The following LARS1 variants were observed in gnomAD, a reference collection of about 807,000 sequenced individuals.
The protein encoded by LARS1 is leucine--tRNA ligase, cytoplasmic.
LARS1 carries 100 observed loss-of-function variants against 162.8 expected under a neutral mutation model. The observed-to-expected ratio is 0.61, with a 90% confidence interval of 0.52 to 0.73. The LOEUF is 0.73. LARS1 is among the 30% of genes least tolerant of loss of function. The pLI is 0.00. For synonymous variants in LARS1, 457 were observed against 462.8 expected (o/e 0.99, Z 0.16); for missense variants, 1,258 against 1,408.9 (o/e 0.89, Z 1.71).
At position 146,164,226 on chromosome 5, in the gene LARS1, T is replaced by C. The variant is rs1581072083; in HGVS notation, c.594+84A>G. 8 of 1,338,044 alleles carry C rather than the reference T, an allele frequency of 6.0e-6. No individual in the cohort carries two copies. The African/African-American group carries it at 7.4e-5, about 12-fold the overall frequency. 82.9% of individuals were successfully genotyped at this position (1,338,044 alleles called of 1,614,324 possible). ...AATCTTCAATTGTAAAAAAAATCCA[T>C]GTCTGGAAAGCACAATAAAGCAAAG... On this transcript the variant is annotated intron_variant, in intron 6 of 31. Transcript: ENST00000394434.
At chr5:146,180,855 G>C (rs1347674867) in intron 1 of LARS1, among the ~76,000 whole-genome samples, 1 of 152,102 alleles carries the variant, frequency 6.6e-6, no homozygotes, top group Admixed American at 6.6e-5. Context: ...CTTACACTTT[G>C]GGCCAAATAA....
chr5:146,157,305 T>A, intron 10 of LARS1, 98 bp downstream of exon 10: 1 of 1,045,840 alleles, frequency 9.6e-7, no homozygotes, highest in Non-Finnish European at 1.5e-6. Flanking sequence ...CATGTACACC[T>A]CATTTTTTAA....
chr5:146,128,600 C>T, intron 27 of LARS1, 72 bp downstream of exon 27: 1 of 952,234 alleles, frequency 1.1e-6, no homozygotes, highest in South Asian at 2.0e-5. Context: ...ACATTGCCAA[C>T]ATCCTAAAAA....
At chr5:146,152,497 G>C (rs1461898711) in intron 13 of LARS1, among the ~76,000 whole-genome samples, 1 of 152,148 alleles carries the variant, frequency 6.6e-6, no homozygotes, top group Non-Finnish European at 1.5e-5. Flanking sequence ...ATTGTGAACT[G>C]TGCATGGAGG....
chr5:146,151,961 A>G lies in LARS1; in HGVS notation c.1326T>C (p.Ala442=). Residue 442 remains alanine (A), a synonymous_variant, in exon 14 of 32, where the codon GCT becomes GCC. Transcript: ENST00000394434. ...IEIPGFGNLS[A]VTICDELKIQ... ...TTTTCAACTCATCACAAATGGTTAC[A>G]GCAGAAAGATTTCCAAAACCTGGGA... 6.2e-7 allele frequency: 1 copy of G among 1,614,178 alleles called. No individual in the cohort carries two copies. The highest frequency in any genetic ancestry group is 8.5e-7 in the Non-Finnish European group (1 of 1,180,036).
intron 27 of LARS1, 105 bp downstream of exon 27, chr5:146,128,567 G>A (rs1752137272): frequency 3.2e-6 from 2 of 627,952 alleles, no homozygotes; most frequent in South Asian, 3.0e-5. Context: ...ATGAAACAAA[G>A]CTGCCTATCT....
chr5:146,182,140 C>G (rs1754900719), intron 1 of LARS1: 2 of 242,668 alleles, frequency 8.2e-6, no homozygotes, highest in Non-Finnish European at 1.7e-5. Flanking sequence ...GGGGTCTCAC[C>G]ATGTTGGCCA....
rs766769947 is a variant in LARS1, at chr5:146,159,391, T to A, written c.771+16A>T. ...AAGGATTATTATAATAGCTACTCTG[T>A]CTCACAAATAATCACCTCTCCAGTT... On this transcript the variant is annotated intron_variant, in intron 8 of 31. Coordinates refer to ENST00000394434, the MANE Select transcript of LARS1 (RefSeq NM_020117.11). The A allele has an allele frequency of 6.3e-7, 1 of 1,588,724 alleles. No individual in the cohort carries two copies. Among genetic ancestry groups the A allele is most frequent in the Non-Finnish European group, 8.6e-7 (1 of 1,157,650 alleles).
In LARS1 at chr5:146,157,287, G is replaced by A. The variant is rs187961406; in HGVS notation, c.1065+116C>T. On this transcript the variant is annotated intron_variant, in intron 10 of 31. Coordinates refer to ENST00000394434, the MANE Select transcript of LARS1 (RefSeq NM_020117.11). The stretch of plus-strand genomic sequence containing the variant: ...CACCAAAACACACAAGACTTACACA[G>A]TTTACTGCATGTACACCTCATTTTT... 337 of 842,146 alleles carry A rather than the reference G, an allele frequency of 4.0e-4. 4 individuals carry two copies. In the East Asian group the frequency reaches 7.7e-3, roughly 19 times the overall value. The allele number at this position is 842,146 out of a possible 1,614,324, so 52.2% of individuals were successfully genotyped here.
chr5:146,149,706 G>A lies in LARS1; in HGVS notation c.1426-7C>T. ...ATCCATCCACCAACATGATCTAAAA[G>A]GATGAGAGGGGAGAAAAACCACATA... is the stretch of plus-strand genomic sequence containing the variant. On this transcript the variant is annotated splice_polypyrimidine_tract_variant and splice_region_variant and intron_variant, in intron 14 of 31. Coordinates refer to ENST00000394434, the MANE Select transcript of LARS1 (RefSeq NM_020117.11). 6.3e-7 allele frequency: 1 copy of A among 1,595,710 alleles called. No homozygotes were observed.
At chr5:146,135,840 T>TA (rs1399863583) in intron 21 of LARS1, among the ~76,000 whole-genome samples, 176 bp from the exon 22 acceptor site, 2 of 152,236 alleles carry the variant, frequency 1.3e-5, no homozygotes, top group African/African-American at 4.8e-5. Context: ...TTTCATCCGA[T>TA]AAAGTGCCTT....
chr5:146,115,104 C>A (rs1764150320), intron 31 of LARS1, among the ~76,000 whole-genome samples: 1 of 149,276 alleles, frequency 6.7e-6, no homozygotes, highest in Non-Finnish European at 1.5e-5. Context: ...AGCAAATCTT[C>A]ATCCCCTTTC....
chr5:146,171,742 C>CA (rs1465899481), intron 4 of LARS1, among the ~76,000 whole-genome samples, 168 bp downstream of exon 4: 2 of 152,130 alleles, frequency 1.3e-5, no homozygotes, highest in East Asian at 3.8e-4. Flanking sequence ...TTTATTTAAG[C>CA]ACTTCTTCAC....
chr5:146,140,870 TATATATACACACACACATATATATACAC>T (rs1752746328), intron 20 of LARS1, among the ~76,000 whole-genome samples: 1 of 151,798 alleles, frequency 6.6e-6, no homozygotes, highest in Non-Finnish European at 1.5e-5. Flanking sequence ...CACACACACA[TATATATACACACACACATATATATACAC>T]ATATATACAC....
intron 22 of LARS1, among the ~76,000 whole-genome samples, chr5:146,133,444 T>G (rs908579785): frequency 6.6e-6 from 1 of 152,096 alleles, no homozygotes; most frequent in African/African-American, 2.4e-5. Context: ...TCAGCCTCAT[T>G]TAGAGGTAGC....
chr5:146,153,143 T>C (rs1340322394), intron 13 of LARS1, 31 bp downstream of exon 13: 2 of 1,509,174 alleles, frequency 1.3e-6, no homozygotes, highest in Non-Finnish European at 1.8e-6. Context: ...AAGAGATGGA[T>C]GTGAATATTC....
chr5:146,174,771 T>C (rs1212959031), intron 2 of LARS1, among the ~76,000 whole-genome samples: 2 of 151,672 alleles, frequency 1.3e-5, no homozygotes, highest in Non-Finnish European at 2.9e-5. Flanking sequence ...TTTTAAAAGC[T>C]GTTAACCTTA....
At position 146,124,295 on chromosome 5, in the gene LARS1, A is replaced by G. The variant is rs183245309; in HGVS notation, c.2992-209T>C. 1.4e-3 allele frequency among the ~76,000 whole-genome samples: 219 copies of G among 152,038 alleles called. 2 individuals carry two copies. Among genetic ancestry groups the G allele is most frequent in the African/African-American group, 5.0e-3 (206 of 41,548 alleles). On this transcript the variant is annotated intron_variant, in intron 28 of 31. Transcript: ENST00000394434. Reference sequence around the variant, plus strand: ...CCAAATAATTATCTTTTAAAGTATTATAAGATTATGGCAGCACTGAAAAGA... The same window carrying G: ...CCAAATAATTATCTTTTAAAGTATTGTAAGATTATGGCAGCACTGAAAAGA...
chr5:146,176,311 G>C (rs1186292966), intron 2 of LARS1, among the ~76,000 whole-genome samples: 1 of 151,874 alleles, frequency 6.6e-6, no homozygotes. Context: ...AATTAGCTGG[G>C]CGTGGTGGCA....
Sources: gnomAD v4.1 joint callset for allele counts (sites outside exome capture counted in the v4.1 genomes callset) on GRCh38, gnomAD v4.1.1 for gene constraint, MANE v1.5 for transcripts, NCBI Gene and HGNC (gene_info 2026-07-23, HGNC 2026-07-21) for gene names.